Variants in DACH2 observed in about 807,000 individuals in gnomAD.
DACH2 encodes dachshund family transcription factor 2.
Under a neutral mutation model 35.8 loss-of-function variants are expected in DACH2, and 17 were observed. That is an observed-to-expected ratio of 0.48 (90% CI 0.33 to 0.71). The LOEUF is 0.71. Among genes scored for constraint, DACH2 ranks in the 30% least tolerant of loss-of-function variants. The probability of loss-of-function intolerance (pLI) is 0.02; values close to 1 mark genes in which losing one functional copy is unlikely to be tolerated. For missense variants in DACH2, 469 were observed against 472.7 expected (o/e 0.99, Z 0.07); for synonymous variants, 195 against 177.3 (o/e 1.10, Z -0.79).
chrX:86,547,065 G>A (rs5967738), intron 3 of DACH2, among the ~76,000 whole-genome samples: 20,850 of 110,002 alleles, frequency 0.19, 1,547 homozygotes, highest in East Asian at 0.28. Flanking sequence ...TTCAGGCCAT[G>A]CACCTGTGAA....
intron 7 of DACH2, among the ~76,000 whole-genome samples, chrX:86,778,126 C>A (rs776730567): frequency 9.0e-6 from 1 of 111,426 alleles, no homozygotes; most frequent in African/African-American, 3.3e-5. Context: ...CTTTGATATA[C>A]TGATTTCATT....
intron 4 of DACH2, among the ~76,000 whole-genome samples, chrX:86,674,649 C>T (rs1184489424): frequency 8.9e-6 from 1 of 112,164 alleles, no homozygotes; most frequent in African/African-American, 3.2e-5. Context: ...TTTATCTTTT[C>T]TGGCTCCAGA....
intron 11 of DACH2, chrX:86,828,810 A>G (rs1207667406): frequency 2.7e-5 from 3 of 111,652 alleles, no homozygotes; most frequent in Non-Finnish European, 5.7e-5. Flanking sequence ...CCTACTAAAA[A>G]TCTAATAGAG....
intron 2 of DACH2, among the ~76,000 whole-genome samples, chrX:86,399,794 C>T (rs1412620895): frequency 8.9e-6 from 1 of 111,754 alleles, no homozygotes; most frequent in African/African-American, 3.3e-5. Flanking sequence ...CCAGACCTTT[C>T]TCTCTGGCTG....
chrX:86,794,043 A>G (rs978161860), intron 7 of DACH2, among the ~76,000 whole-genome samples: 12 of 112,005 alleles, frequency 1.1e-4, no homozygotes, highest in African/African-American at 3.9e-4. Context: ...TTATTTAAAC[A>G]GGTGCTATGG....
intron 7 of DACH2, among the ~76,000 whole-genome samples, chrX:86,786,546 A>T (rs1178987637): frequency 8.9e-6 from 1 of 111,932 alleles, no homozygotes; most frequent in Non-Finnish European, 1.9e-5. Context: ...ATTCTTACTG[A>T]TTTTGTCATA....
intron 7 of DACH2, among the ~76,000 whole-genome samples, chrX:86,779,837 C>T (rs903078630): frequency 1.6e-4 from 18 of 111,807 alleles, no homozygotes; most frequent in African/African-American, 5.2e-4. Context: ...TTGCTAGTAC[C>T]AATATGGAAA....
intron 1 of DACH2, among the ~76,000 whole-genome samples, chrX:86,263,182 T>C (rs763335963): frequency 8.9e-6 from 1 of 111,917 alleles, no homozygotes; most frequent in Non-Finnish European, 1.9e-5. Flanking sequence ...TGCTGGTGAT[T>C]GCAGAAGGAG....
At chrX:86,386,203 T>G (rs2036119918) in intron 2 of DACH2, among the ~76,000 whole-genome samples, 1 of 111,095 alleles carries the variant, frequency 9.0e-6, no homozygotes, top group East Asian at 2.8e-4. Flanking sequence ...TTTTGAGGAG[T>G]AGTGGTCAGG....
intron 3 of DACH2, among the ~76,000 whole-genome samples, chrX:86,521,188 C>T (rs1006312917): frequency 7.2e-5 from 8 of 111,634 alleles, no homozygotes; most frequent in Non-Finnish European, 1.3e-4. Flanking sequence ...TGAAATTCTT[C>T]GTTGAAGATT....
intron 4 of DACH2, among the ~76,000 whole-genome samples, chrX:86,679,410 C>A (rs1300373505): frequency 1.8e-5 from 2 of 111,770 alleles, no homozygotes; most frequent in African/African-American, 6.5e-5. Context: ...CTACAAAGTT[C>A]TAAAACATAC....
intron 2 of DACH2, among the ~76,000 whole-genome samples, chrX:86,492,448 A>C (rs1351245462): frequency 8.9e-6 from 1 of 111,963 alleles, no homozygotes; most frequent in African/African-American, 3.2e-5. Flanking sequence ...TTTTGAGTTC[A>C]TTTTTTATTT....
rs1473248104 is a variant in DACH2, at chrX:86,645,396, A to T, written c.641-5640A>T. Among the ~76,000 whole-genome samples, 5 of 111,361 alleles carry T rather than the reference A, an allele frequency of 4.5e-5. No individual in the cohort carries two copies. In the Admixed American group the frequency reaches 4.8e-4, roughly 11 times the overall value. ...ATGGGTATCATGAAAAAGAAAAAAAATTAACATATGCTGGCAAGGTTACAA... is the reference window on the plus strand; with the variant it reads ...ATGGGTATCATGAAAAAGAAAAAAATTTAACATATGCTGGCAAGGTTACAA... On this transcript the variant is annotated intron_variant, in intron 3 of 11. Transcript: ENST00000373125.
chrX:86,416,183 G>A (rs767276707), intron 2 of DACH2, among the ~76,000 whole-genome samples: 3 of 112,205 alleles, frequency 2.7e-5, no homozygotes, highest in East Asian at 5.6e-4. Context: ...TGAAATTAAA[G>A]CCATAGAGTG....
At chrX:86,731,853 G>A (rs766878290) in intron 6 of DACH2, among the ~76,000 whole-genome samples, 1 of 111,964 alleles carries the variant, frequency 8.9e-6, no homozygotes, top group African/African-American at 3.2e-5. Flanking sequence ...GGCTTACATA[G>A]TTTGATAGAT....
chrX:86,272,811 G>C (rs1016716), intron 1 of DACH2, among the ~76,000 whole-genome samples: 49,298 of 110,683 alleles, frequency 0.45, 8,183 homozygotes, highest in East Asian at 0.56. Flanking sequence ...AAATCTTTCT[G>C]TAGCATTTTA....
Position 86,441,479 on chromosome X carries a change from C to CTGTG in DACH2, c.527+64651_527+64654dup, listed in dbSNP as rs61396163. The stretch of plus-strand genomic sequence containing the variant: ...TTTTTTATGACTGAAAAGTATTCCA[C>CTGTG]TGTGTGTGTGTGTGTGTGTGTGTGT... On this transcript the variant is annotated intron_variant, in intron 2 of 11. Transcript: ENST00000373125. Among the ~76,000 whole-genome samples, 818 of 95,433 alleles carry CTGTG rather than the reference C, an allele frequency of 8.6e-3. 7 individuals carry two copies. The highest frequency in any genetic ancestry group is 0.019 in the African/African-American group (508 of 26,535). 82.9% of individuals were successfully genotyped at this position (95,433 alleles called of 115,157 possible). A position where few individuals can be genotyped will look rare whatever the true frequency, so the allele number is the denominator to read the frequency against.
At chrX:86,705,544 G>A (rs911061440) in intron 5 of DACH2, among the ~76,000 whole-genome samples, 5 of 110,977 alleles carry the variant, frequency 4.5e-5, no homozygotes, top group Non-Finnish European at 7.6e-5. Context: ...CAACGAGATG[G>A]TACCTTACCC....
chrX:86,599,043 A>G (rs1369432685), intron 3 of DACH2, among the ~76,000 whole-genome samples: 1 of 110,747 alleles, frequency 9.0e-6, no homozygotes, highest in African/African-American at 3.3e-5. Context: ...TATGAGTGAG[A>G]ACATGCGGTG....
Sources: allele counts gnomAD v4.1 joint callset (sites outside exome capture counted in the v4.1 genomes callset), GRCh38; gene constraint gnomAD v4.1.1; transcripts MANE v1.5; gene names NCBI Gene and HGNC (gene_info 2026-07-23, HGNC 2026-07-21).